RB1CC1: variants seen among roughly 807,000 people sequenced by gnomAD.
RB1CC1 encodes the protein RB1 inducible coiled-coil 1.
A neutral mutation model predicts 177.5 loss-of-function variants in RB1CC1; 46 were observed. The ratio of observed to expected loss-of-function variants is 0.26; its 90% CI spans 0.20 to 0.33. The LOEUF is 0.33. RB1CC1 is among the 10% of genes least tolerant of loss of function. The probability of loss-of-function intolerance (pLI) is 1.00; values close to 1 mark genes in which losing one functional copy is unlikely to be tolerated. For missense variants in RB1CC1, 1,703 were observed against 1,816.3 expected, an observed-to-expected ratio of 0.94 and a Z score of 1.13; for synonymous variants, 666 against 613.6, an observed-to-expected ratio of 1.09 and a Z score of -1.26.
intron 16 of RB1CC1, chr8:52,643,270 G>A (rs1434457026): frequency 6.5e-6 from 1 of 152,920 alleles, no homozygotes. Flanking sequence ...ATTTATATTG[G>A]CTAGACTTAT....
chr8:52,647,390 T>C (rs748716251), intron 15 of RB1CC1, among the ~76,000 whole-genome samples: 1 of 152,146 alleles, frequency 6.6e-6, no homozygotes, highest in Non-Finnish European at 1.5e-5. Context: ...CATAATATAA[T>C]TAATTAAGGC....
intron 20 of RB1CC1, among the ~76,000 whole-genome samples, chr8:52,631,012 T>A (rs761318083): frequency 6.6e-6 from 1 of 152,178 alleles, no homozygotes; most frequent in Non-Finnish European, 1.5e-5. Context: ...TTATCTCTAA[T>A]GCAGTTTCTG....
At position 52,642,684 on chromosome 8, in the gene RB1CC1, T is replaced by C. The variant is rs749010661; in HGVS notation, c.4096+20A>G. Reference sequence around the variant, plus strand: ...TTCCACTTTAAAAAATTAAAAAAAATAGTACAAAACAGTACAAACCTTTAT... The same window carrying C: ...TTCCACTTTAAAAAATTAAAAAAAACAGTACAAAACAGTACAAACCTTTAT... On this transcript the variant is annotated intron_variant, in intron 17 of 23. Transcript: ENST00000025008. 1.9e-6 allele frequency: 3 copies of C among 1,570,070 alleles called. No individual in the cohort carries two copies. Among genetic ancestry groups the C allele is most frequent in the African/African-American group, 2.8e-5 (2 of 72,648 alleles).
chr8:52,713,323 T>G (rs1287631245), intron 1 of RB1CC1, among the ~76,000 whole-genome samples: 5 of 152,178 alleles, frequency 3.3e-5, no homozygotes, highest in African/African-American at 1.2e-4. Context: ...TACGAAACCA[T>G]AAACAGTAAA....
intron 13 of RB1CC1, 92 bp from the exon 14 acceptor site, chr8:52,658,216 A>G (rs1356915363): frequency 7.7e-7 from 1 of 1,300,186 alleles, no homozygotes; most frequent in Non-Finnish European, 1.1e-6. Context: ...AAAAATAACA[A>G]GAGCCTTATC....
chr8:52,713,751 G>C (rs1857257302), intron 1 of RB1CC1, among the ~76,000 whole-genome samples: 1 of 152,366 alleles, frequency 6.6e-6, no homozygotes, highest in Non-Finnish European at 1.5e-5. Flanking sequence ...CGGCAGCGCA[G>C]AGGGAGGGAT....
chr8:52,673,536 T>G (rs960566475), intron 7 of RB1CC1, among the ~76,000 whole-genome samples: 1 of 152,196 alleles, frequency 6.6e-6, no homozygotes, highest in Non-Finnish European at 1.5e-5. Flanking sequence ...GAAATTTTCA[T>G]TATCTTAATT....
chr8:52,697,090 A>G (rs1348297274), intron 1 of RB1CC1, among the ~76,000 whole-genome samples: 1 of 152,202 alleles, frequency 6.6e-6, no homozygotes, highest in Non-Finnish European at 1.5e-5. Flanking sequence ...AACTGGACAC[A>G]GCCCAAGTAT....
At chr8:52,681,486 G>A (rs1853713127) in intron 5 of RB1CC1, among the ~76,000 whole-genome samples, 1 of 152,150 alleles carries the variant, frequency 6.6e-6, no homozygotes, top group South Asian at 2.1e-4. Context: ...TGACTTTAGA[G>A]ACCACATCCC....
In RB1CC1 at chr8:52,657,995, T is replaced by C; in HGVS notation, c.1920+3A>G. 1 of 1,613,650 alleles carries C rather than the reference T, an allele frequency of 6.2e-7. No individual in the cohort carries two copies. The highest frequency in any genetic ancestry group is 8.5e-7 in the Non-Finnish European group (1 of 1,179,892). On this transcript the variant is annotated splice_donor_region_variant and intron_variant, in intron 14 of 23. Transcript: ENST00000025008. Reference sequence around the variant, plus strand: ...GAAAACTGTTTGAAAGAATTGAATTTGCCTTTTGTTCACTCAGTAGATCTG... The same window carrying C: ...GAAAACTGTTTGAAAGAATTGAATTCGCCTTTTGTTCACTCAGTAGATCTG...
chr8:52,692,952 A>G (rs1036348037), intron 1 of RB1CC1, among the ~76,000 whole-genome samples: 1 of 152,214 alleles, frequency 6.6e-6, no homozygotes, highest in African/African-American at 2.4e-5. Context: ...CCTTGTGTCC[A>G]TAAATGAAAA....
intron 1 of RB1CC1, among the ~76,000 whole-genome samples, chr8:52,694,498 T>C (rs982699496): frequency 2.6e-5 from 4 of 152,180 alleles, no homozygotes; most frequent in African/African-American, 9.7e-5. Flanking sequence ...TCTTATTACA[T>C]TAAACATCTA....
At position 52,657,645 on chromosome 8, in the gene RB1CC1, A is replaced by G; in HGVS notation, c.2184T>C (p.Pro728=). Residue 728 remains proline, a synonymous_variant, in exon 15 of 24, where the codon CCT becomes CCC. Transcript: ENST00000025008. ...SLDLDSLAES[P]ESDFMSAVNE... ...TCACAGCAGACATAAAATCTGATTC[A>G]GGACTTTCTGCTAATGAATCCAAGT... 1 of 1,614,130 alleles carries G rather than the reference A, an allele frequency of 6.2e-7. No homozygotes were observed. The highest frequency in any genetic ancestry group is 8.5e-7 in the Non-Finnish European group (1 of 1,180,016).
chr8:52,696,864 A>G (rs1265415789), intron 1 of RB1CC1, among the ~76,000 whole-genome samples: 1 of 152,096 alleles, frequency 6.6e-6, no homozygotes, highest in African/African-American at 2.4e-5. Flanking sequence ...TTAGCCAGGC[A>G]TGATGGTGCA....
chr8:52,676,307 A>T, intron 6 of RB1CC1, 62 bp downstream of exon 6: 1 of 1,457,988 alleles, frequency 6.9e-7, no homozygotes, highest in Non-Finnish European at 9.5e-7. Context: ...CAGTAATTAA[A>T]CCTACTGATA....
At chr8:52,648,501 G>A (rs1332748450) in intron 15 of RB1CC1, among the ~76,000 whole-genome samples, 1 of 152,176 alleles carries the variant, frequency 6.6e-6, no homozygotes, top group Non-Finnish European at 1.5e-5. Flanking sequence ...TCTATGGGGA[G>A]CAAGAAGCTG....
In RB1CC1 at chr8:52,668,001, GAA is replaced by G. The variant is rs1852225178; in HGVS notation, c.1173+18_1173+19del. 6.3e-7 allele frequency: 1 copy of G among 1,586,230 alleles called. No homozygotes were observed. Among genetic ancestry groups the G allele is most frequent in the Non-Finnish European group, 8.6e-7 (1 of 1,167,028 alleles). ...AAAAACTATAAATTCCTTTTCCTGA[GAA>G]AAGTCTAAAATAGGTACCTGAGCAA... On this transcript the variant is annotated intron_variant, in intron 8 of 23. Coordinates refer to ENST00000025008, the MANE Select transcript of RB1CC1 (RefSeq NM_014781.5).
intron 21 of RB1CC1, among the ~76,000 whole-genome samples, chr8:52,628,513 A>G (rs187668065): frequency 1.6e-4 from 24 of 152,310 alleles, no homozygotes; most frequent in African/African-American, 5.5e-4. Context: ...TTCATTTCAC[A>G]CCAAAAATTC....
chr8:52,634,656 TG>T (rs1848997499), intron 20 of RB1CC1, among the ~76,000 whole-genome samples: 1 of 152,226 alleles, frequency 6.6e-6, no homozygotes, highest in Non-Finnish European at 1.5e-5. Flanking sequence ...GTGCTTCAAC[TG>T]GTCAGACCTA....
Sources: allele counts gnomAD v4.1 joint callset (sites outside exome capture counted in the v4.1 genomes callset), GRCh38; gene constraint gnomAD v4.1.1; transcripts MANE v1.5; gene names NCBI Gene and HGNC (gene_info 2026-07-23, HGNC 2026-07-21).